The following SANBR variants were observed in gnomAD, a reference collection of about 807,000 sequenced individuals.
SANBR encodes the protein SANT and BTB domain regulator of class switch recombination.
SANBR carries 77 observed loss-of-function variants against 101.8 expected under a neutral mutation model. The ratio of observed to expected loss-of-function variants is 0.76; its 90% confidence interval spans 0.63 to 0.91. The LOEUF (loss-of-function observed/expected upper bound fraction) is 0.91, where lower values mean the gene tolerates loss of function less well. Ranked by LOEUF, SANBR falls within the 40% of genes least tolerant of loss-of-function variation. The pLI, the probability that SANBR is intolerant of heterozygous loss-of-function variation, is 0.00. For synonymous variants in SANBR, 279 were observed against 274.7 expected (o/e 1.02, Z -0.15); for missense variants, 875 against 853.0 (o/e 1.03, Z -0.32).
chr2:61,120,898 G>T lies in SANBR; in HGVS notation c.2029-287G>T, dbSNP rs184543813. On this transcript the variant is annotated intron_variant, in intron 20 of 21. Transcript: ENST00000402291. Reference sequence around the variant, plus strand: ...CAAATAGTTGCCAGAAATTGGTAGTGGTAGGTAGATCGACTTGACAGGGGA... The same window carrying T: ...CAAATAGTTGCCAGAAATTGGTAGTTGTAGGTAGATCGACTTGACAGGGGA... Among the ~76,000 whole-genome samples the T allele has an allele frequency of 2.0e-4, 30 of 152,248 alleles. No homozygotes were observed. In the East Asian group the frequency reaches 5.6e-3, roughly 28 times the overall value.
chr2:61,101,746 A>G (rs992688942), intron 12 of SANBR, among the ~76,000 whole-genome samples: 3 of 148,240 alleles, frequency 2.0e-5, no homozygotes, highest in African/African-American at 7.5e-5. Context: ...AAAATTGTAT[A>G]TATTAATAGG....
intron 21 of SANBR, among the ~76,000 whole-genome samples, chr2:61,136,762 G>C (rs566237496): frequency 6.6e-6 from 1 of 152,092 alleles, no homozygotes; most frequent in Non-Finnish European, 1.5e-5. Flanking sequence ...ACGAGGTCAG[G>C]AGTTCAAGAC....
intron 13 of SANBR, among the ~76,000 whole-genome samples, chr2:61,105,426 G>A (rs1270334455): frequency 5.9e-5 from 9 of 151,804 alleles, no homozygotes; most frequent in Admixed American, 4.6e-4. Flanking sequence ...GAGTGCGGTG[G>A]CACAATCTTG....
intron 8 of SANBR, among the ~76,000 whole-genome samples, chr2:61,084,676 T>C (rs896607894): frequency 6.6e-6 from 1 of 152,240 alleles, no homozygotes; most frequent in African/African-American, 2.4e-5. Flanking sequence ...GGATATACTT[T>C]AGGTGTGAAT....
intron 20 of SANBR, among the ~76,000 whole-genome samples, chr2:61,131,754 AAGTT>A (rs1284835047): frequency 2.0e-5 from 3 of 152,204 alleles, no homozygotes; most frequent in Non-Finnish European, 4.4e-5. Context: ...GAAGACAACA[AAGTT>A]AGAAGATTTA....
At position 61,088,206 on chromosome 2, in the gene SANBR, T is replaced by G; in HGVS notation, c.938T>G (p.Leu313Trp). The change falls in exon 9 of 22, where the codon TTG becomes TGG. Residue 313 changes from leucine (L) to tryptophan (W), a missense_variant. Leu to Trp is a moderately conservative substitution (Grantham distance 61). Transcript: ENST00000402291. ...KIERLFDPEY[L>W]NPDSRSNAAT... ...GAAAGACTGTTTGATCCTGAGTACT[T>G]GAATCCAGATTCTCGGAGTAATGCA... The G allele has an allele frequency of 6.2e-7, 1 of 1,609,488 alleles. No homozygotes were observed. The highest frequency in any genetic ancestry group is 8.5e-7 in the Non-Finnish European group (1 of 1,178,640).
chr2:61,067,097 T>G (rs936342648), intron 1 of SANBR, among the ~76,000 whole-genome samples: 2 of 152,240 alleles, frequency 1.3e-5, no homozygotes, highest in African/African-American at 4.8e-5. Flanking sequence ...TTAAGGATTA[T>G]CCATCAATGC....
chr2:61,124,704 A>C (rs74870617), downstream of SANBR, among the ~76,000 whole-genome samples: 1,581 of 122,816 alleles, frequency 0.013, 26 homozygotes, highest in African/African-American at 0.071. Context: ...AGACCCTATC[A>C]AAAAAAAAAA....
In SANBR at chr2:61,077,110, A is replaced by G. The variant is rs200082543; in HGVS notation, c.622A>G (p.Ile208Val). Reference sequence around the variant, plus strand: ...CATTTTCAACTGGTTGATAAAATACATTAAAAGGAACACTAAGGAGAATAA... The same window carrying G: ...CATTTTCAACTGGTTGATAAAATACGTTAAAAGGAACACTAAGGAGAATAA... ...VHIFNWLIKY[I>V]KRNTKENKDC... Residue 208 changes from isoleucine (I) to valine (V), a missense_variant, in exon 6 of 22, where the codon ATT (isoleucine) becomes GTT (valine). Transcript: ENST00000402291. The G allele has an allele frequency of 3.0e-5, 49 of 1,613,834 alleles. No homozygotes were observed. The highest frequency in any genetic ancestry group is 1.6e-4 in the Middle Eastern group (1 of 6,082).
chr2:61,093,574 A>G (rs1022032818), intron 11 of SANBR, among the ~76,000 whole-genome samples: 1 of 152,204 alleles, frequency 6.6e-6, no homozygotes, highest in Non-Finnish European at 1.5e-5. Flanking sequence ...CAGTCTGGGA[A>G]AGGAGGGAAA....
chr2:61,129,201 T>C (rs1457577833), downstream of SANBR, among the ~76,000 whole-genome samples: 2 of 152,064 alleles, frequency 1.3e-5, no homozygotes, highest in Non-Finnish European at 2.9e-5. Flanking sequence ...CCCAGCACTT[T>C]GGGAAGCCAA....
rs994110092 is a variant in SANBR, at chr2:61,083,430, T to G, written c.890+116T>G. The G allele has an allele frequency of 5.3e-6, 4 of 754,384 alleles. No homozygotes were observed. The Admixed American group carries it at 8.2e-5, about 15-fold the overall frequency. 46.7% of individuals were successfully genotyped at this position (754,384 alleles called of 1,614,324 possible). A position where few individuals can be genotyped will look rare whatever the true frequency, so the allele number is the denominator to read the frequency against. On this transcript the variant is annotated intron_variant, in intron 8 of 21. Coordinates refer to ENST00000402291, the MANE Select transcript of SANBR (RefSeq NM_001129993.3). ...TTTTTTCTTTGAGAAAGGTTCTCACTCTGTTGTTCAGGCTGGAGTGCAGTG... is the reference window on the plus strand; with the variant it reads ...TTTTTTCTTTGAGAAAGGTTCTCACGCTGTTGTTCAGGCTGGAGTGCAGTG...
At chr2:61,135,115 G>A (rs1446091984) in intron 21 of SANBR, among the ~76,000 whole-genome samples, 2 of 152,142 alleles carry the variant, frequency 1.3e-5, no homozygotes, top group East Asian at 1.9e-4. Context: ...TCCTGAACTC[G>A]GGAAGGCGGA....
rs566057500 is a variant in SANBR, at chr2:61,080,727, A to C, written c.671-725A>C. On this transcript the variant is annotated intron_variant, in intron 6 of 21. Transcript: ENST00000402291. ...AGAGTGAGACTCCATCTCAAAAAAA[A>C]AACAACAACAAAAAAAAACAAAAAA... Among the ~76,000 whole-genome samples, 130 of 152,266 alleles carry C rather than the reference A, an allele frequency of 8.5e-4. 1 individual carries two copies. Among genetic ancestry groups the C allele is most frequent in the Middle Eastern group, 6.8e-3 (2 of 294 alleles).
intron 16 of SANBR, 48 bp from the exon 17 acceptor site, chr2:61,115,931 G>C (rs776974130): frequency 8.3e-7 from 1 of 1,199,038 alleles, no homozygotes; most frequent in East Asian, 2.4e-5. Flanking sequence ...AAGTGGACTG[G>C]AAAAGTATAT....
chr2:61,134,685 G>A (rs980800656), intron 21 of SANBR, among the ~76,000 whole-genome samples: 6 of 152,080 alleles, frequency 3.9e-5, no homozygotes, highest in Non-Finnish European at 5.9e-5. Context: ...ACAACGTCAG[G>A]ATTGAGACCA....
intron 8 of SANBR, among the ~76,000 whole-genome samples, chr2:61,087,683 C>G (rs1003921896): frequency 6.6e-6 from 1 of 152,096 alleles, no homozygotes; most frequent in East Asian, 1.9e-4. Flanking sequence ...AACCCAATCT[C>G]TACTAAAAAT....
chr2:61,095,748 A>G (rs114985408), intron 11 of SANBR, among the ~76,000 whole-genome samples: 13 of 152,224 alleles, frequency 8.5e-5, no homozygotes, highest in Non-Finnish European at 1.6e-4. Context: ...GTGCAGTACT[A>G]TAGCTTTTCA....
chr2:61,098,408 A>G (rs1683136849), intron 12 of SANBR, among the ~76,000 whole-genome samples: 1 of 152,020 alleles, frequency 6.6e-6, no homozygotes, highest in Non-Finnish European at 1.5e-5. Context: ...CCAGCCTTAT[A>G]TATGGCTTTT....
Sources: gnomAD v4.1 joint callset for allele counts (sites outside exome capture counted in the v4.1 genomes callset) on GRCh38, gnomAD v4.1.1 for gene constraint, MANE v1.5 for transcripts, NCBI Gene and HGNC (gene_info 2026-07-23, HGNC 2026-07-21) for gene names.